Variants in NTRK2 observed in about 807,000 individuals in gnomAD.
NTRK2 encodes the protein BDNF/NT-3 growth factors receptor.
NTRK2 carries 13 observed loss-of-function variants against 94.5 expected under a neutral mutation model. The ratio of observed to expected loss-of-function variants is 0.14; its 90% CI spans 0.09 to 0.22. The LOEUF (loss-of-function observed/expected upper bound fraction) is 0.22, where lower values mean the gene tolerates loss of function less well. Among genes scored for constraint, NTRK2 ranks in the 10% least tolerant of loss-of-function variants. The probability of loss-of-function intolerance (pLI) is 1.00; values close to 1 mark genes in which losing one functional copy is unlikely to be tolerated. For synonymous variants in NTRK2, 372 were observed against 407.4 expected (o/e 0.91, Z 1.05); for missense variants, 639 against 1,071.2 (o/e 0.60, Z 5.63).
At chr9:84,857,947 C>T (rs1364312264) in intron 12 of NTRK2, among the ~76,000 whole-genome samples, 1 of 152,134 alleles carries the variant, frequency 6.6e-6, no homozygotes, top group Non-Finnish European at 1.5e-5. Flanking sequence ...AAATTTGTGG[C>T]TAAAACCCAT....
intron 12 of NTRK2, among the ~76,000 whole-genome samples, chr9:84,780,044 G>GT (rs766257033): frequency 0.036 from 5,297 of 148,854 alleles, 116 homozygotes; most frequent in Admixed American, 0.052. Context: ...GGACTCTGCG[G>GT]TTTTTTTTTT....
At chr9:84,812,954 C>T in intron 12 of NTRK2, 1 of 1,032,322 alleles carries the variant, frequency 9.7e-7, no homozygotes, top group African/African-American at 1.7e-5. Flanking sequence ...GTGTTCTTTT[C>T]TTTTTTTTAA....
In NTRK2 at chr9:84,710,655, A is replaced by G. The variant is rs1415245133; in HGVS notation, c.447A>G (p.Pro149=). Residue 149 remains proline (P), a synonymous_variant, in exon 6 of 19, where the codon CCA becomes CCG. Transcript: ENST00000277120. ...DLSELILVGN[P]FTCSCDIMWI... The stretch of plus-strand genomic sequence containing the variant: ...CCTGTAGGATCCTGGTGGGCAATCC[A>G]TTTACATGCTCCTGTGACATTATGT... 1.2e-6 allele frequency: 2 copies of G among 1,614,038 alleles called. No individual in the cohort carries two copies. Among genetic ancestry groups the G allele is most frequent in the African/African-American group, 2.7e-5 (2 of 74,934 alleles).
intron 12 of NTRK2, among the ~76,000 whole-genome samples, chr9:84,806,435 G>A (rs2071119721): frequency 6.6e-6 from 1 of 152,176 alleles, no homozygotes; most frequent in African/African-American, 2.4e-5. Context: ...GTGTTTTAGG[G>A]ATGTTTAAGC....
At chr9:84,866,535 T>C (rs896973173) in intron 13 of NTRK2, among the ~76,000 whole-genome samples, 1 of 152,146 alleles carries the variant, frequency 6.6e-6, no homozygotes, top group Admixed American at 6.6e-5. Flanking sequence ...GACAGAGTGT[T>C]CTAGAGACAA....
intron 12 of NTRK2, chr9:84,815,623 G>C: frequency 2.0e-6 from 2 of 991,080 alleles, no homozygotes; most frequent in Non-Finnish European, 2.4e-6. Flanking sequence ...TTTTAGTGCT[G>C]TTTTAACAAT....
At chr9:84,736,178 A>G (rs1423194179) in intron 9 of NTRK2, among the ~76,000 whole-genome samples, 4 of 152,230 alleles carry the variant, frequency 2.6e-5, no homozygotes, top group South Asian at 2.1e-4. Flanking sequence ...TAGGCAGTAC[A>G]TAAAGAGTGT....
intron 17 of NTRK2, among the ~76,000 whole-genome samples, chr9:85,009,693 T>C (rs1392502629): frequency 1.3e-5 from 2 of 152,204 alleles, no homozygotes; most frequent in African/African-American, 2.4e-5. Flanking sequence ...ACAATCATCA[T>C]AGTAATCATT....
At chr9:84,876,077 T>A (rs2076054817) in intron 14 of NTRK2, 1 of 1,032,302 alleles carries the variant, frequency 9.7e-7, no homozygotes, top group Non-Finnish European at 1.2e-6. Flanking sequence ...TTTCTTATGC[T>A]GTTACTATTA....
At chr9:84,884,931 C>T (rs1173711730) in intron 14 of NTRK2, among the ~76,000 whole-genome samples, 1 of 152,112 alleles carries the variant, frequency 6.6e-6, no homozygotes, top group African/African-American at 2.4e-5. Flanking sequence ...ATCAATGTGT[C>T]TTTTCACAAT....
rs1014469388 is a variant in NTRK2, at chr9:84,806,865, G to A, written c.1397-54175G>A. Among the ~76,000 whole-genome samples the A allele has an allele frequency of 2.0e-5, 3 of 152,224 alleles. 1 individual carries two copies. Among genetic ancestry groups the A allele is most frequent in the African/African-American group, 7.2e-5 (3 of 41,446 alleles). On this transcript the variant is annotated intron_variant, in intron 12 of 18. Transcript: ENST00000277120. ...GACACACGATGTTATGAGAACATAG[G>A]AGTTTATTATTTCATTTTACCTAGT... is the stretch of plus-strand genomic sequence containing the variant.
At chr9:84,675,741 C>A (rs1367128020) in intron 2 of NTRK2, among the ~76,000 whole-genome samples, 1 of 152,102 alleles carries the variant, frequency 6.6e-6, no homozygotes, top group East Asian at 1.9e-4. Flanking sequence ...TTATAGTCTA[C>A]TTGGTTGAGC....
intron 11 of NTRK2, among the ~76,000 whole-genome samples, chr9:84,750,238 C>T (rs902984353): frequency 2.6e-5 from 4 of 151,364 alleles, no homozygotes; most frequent in Non-Finnish European, 5.9e-5. Flanking sequence ...CCCAAATTGT[C>T]AAGTGTCCCC....
At chr9:84,845,973 T>C (rs1345427117) in intron 12 of NTRK2, among the ~76,000 whole-genome samples, 1 of 151,132 alleles carries the variant, frequency 6.6e-6, no homozygotes, top group Non-Finnish European at 1.5e-5. Flanking sequence ...CTAAGGAATG[T>C]GCTTCTATTT....
chr9:84,839,944 G>T (rs1246394196), intron 12 of NTRK2, among the ~76,000 whole-genome samples: 1 of 152,122 alleles, frequency 6.6e-6, no homozygotes, highest in African/African-American at 2.4e-5. Flanking sequence ...TCTACTTTCA[G>T]AAATACGATG....
At chr9:84,978,972 C>A (rs1006280260) in intron 17 of NTRK2, among the ~76,000 whole-genome samples, 2 of 152,188 alleles carry the variant, frequency 1.3e-5, no homozygotes, top group Non-Finnish European at 2.9e-5. Context: ...TTGCAACATG[C>A]TGCCTGGAAA....
In NTRK2 at chr9:85,022,217, C is replaced by G. The variant is rs1832819718; in HGVS notation, c.*780C>G. ...GGGAAGAATGTATTCGGCACCTTCC[C>G]CTGAGGACCTTTCTGAGGAGTAAAA... On this transcript the variant is annotated 3_prime_UTR_variant, in exon 19 of 19. Coordinates refer to ENST00000277120, the MANE Select transcript of NTRK2 (RefSeq NM_006180.6). The G allele has an allele frequency of 8.6e-6, 2 of 233,192 alleles. No homozygotes were observed. Among genetic ancestry groups the G allele is most frequent in the South Asian group, 3.6e-4 (2 of 5,536 alleles). The allele number at this position is 233,192 out of a possible 1,614,324, so 14.4% of individuals were successfully genotyped here.
At chr9:84,983,628 G>T (rs773565834) in intron 17 of NTRK2, among the ~76,000 whole-genome samples, 1 of 152,296 alleles carries the variant, frequency 6.6e-6, no homozygotes, top group Non-Finnish European at 1.5e-5. Context: ...GACCTGAGCT[G>T]TGGGAGCCTT....
chr9:84,878,721 T>C (rs2076164261), intron 14 of NTRK2, among the ~76,000 whole-genome samples: 1 of 152,158 alleles, frequency 6.6e-6, no homozygotes, highest in Non-Finnish European at 1.5e-5. Context: ...CTTAATATAA[T>C]TTATCTCAAT....
Sources: gnomAD v4.1 joint callset for allele counts (sites outside exome capture counted in the v4.1 genomes callset) on GRCh38, gnomAD v4.1.1 for gene constraint, MANE v1.5 for transcripts, NCBI Gene and HGNC (gene_info 2026-07-23, HGNC 2026-07-21) for gene names.